Variants in ING3 observed in about 807,000 individuals in gnomAD.
The protein encoded by ING3 is inhibitor of growth protein 3.
A neutral mutation model predicts 64.8 loss-of-function variants in ING3; 6 were observed. The ratio of observed to expected loss-of-function variants is 0.09; its 90% CI spans 0.05 to 0.18. The LOEUF is 0.18. Ranked by LOEUF, ING3 falls within the 10% of genes least tolerant of loss-of-function variation. The pLI is 1.00. For missense variants in ING3, 310 were observed against 489.7 expected (o/e 0.63, Z 3.46); for synonymous variants, 170 against 173.7 (o/e 0.98, Z 0.17).
chr7:120,977,020 A>G lies in ING3; in HGVS notation c.*2176A>G, dbSNP rs949704112. 6.6e-6 allele frequency: 1 copy of G among 152,206 alleles called. No individual in the cohort carries two copies. The highest frequency in any genetic ancestry group is 1.5e-5 in the Non-Finnish European group (1 of 68,026). 9.4% of individuals were successfully genotyped at this position (152,206 alleles called of 1,614,324 possible). A position where few individuals can be genotyped will look rare whatever the true frequency, so the allele number is the denominator to read the frequency against. ...TGACATTTACACCAAGGGGCATAGT[A>G]AGTATTTTTGGTATTATAAAATACA... is the stretch of plus-strand genomic sequence containing the variant. On this transcript the variant is annotated 3_prime_UTR_variant, in exon 12 of 12. Transcript: ENST00000315870.
chr7:120,956,027 T>G (rs1795841349), intron 4 of ING3: 1 of 684,692 alleles, frequency 1.5e-6, no homozygotes, highest in South Asian at 1.8e-5. Context: ...TTCTTGGTAG[T>G]CTGATTAAAA....
intron 10 of ING3, among the ~76,000 whole-genome samples, chr7:120,971,880 A>C (rs149459993): frequency 2.0e-3 from 300 of 152,270 alleles, no homozygotes; most frequent in African/African-American, 6.9e-3. Context: ...ATTAATAAAC[A>C]TACCGGTTTA....
Position 120,950,854 on chromosome 7 carries a change from T to A in ING3, c.-43T>A. The A allele has an allele frequency of 6.7e-7, 1 of 1,498,368 alleles. No individual in the cohort carries two copies. Among genetic ancestry groups the A allele is most frequent in the Non-Finnish European group, 9.0e-7 (1 of 1,110,680 alleles). 92.8% of individuals were successfully genotyped at this position (1,498,368 alleles called of 1,614,324 possible). A position where few individuals can be genotyped will look rare whatever the true frequency, so the allele number is the denominator to read the frequency against. ...CTCCGGCGACAGCGAGTGACACAAA[T>A]AAACCCCTGGACCCCCTTGTTCCCT... is the stretch of plus-strand genomic sequence containing the variant. On this transcript the variant is annotated 5_prime_UTR_variant, in exon 1 of 12. Transcript: ENST00000315870.
chr7:120,951,122 C>G lies in ING3; in HGVS notation c.29-42C>G, dbSNP rs770097111. The G allele has an allele frequency of 1.2e-5, 19 of 1,603,944 alleles. No homozygotes were observed. In the Middle Eastern group the frequency reaches 5.0e-4, roughly 42 times the overall value. ...CGCGCAGTGACGTAAGCGCGTATTT[C>G]GCCGTTGGCCCCGCCCCTCTGACGG... On this transcript the variant is annotated intron_variant, in intron 1 of 11. Transcript: ENST00000315870.
intron 8 of ING3, among the ~76,000 whole-genome samples, chr7:120,968,657 C>CA (rs1796028194): frequency 6.6e-6 from 1 of 151,900 alleles, no homozygotes; most frequent in Non-Finnish European, 1.5e-5. Flanking sequence ...CCAGCCTGGT[C>CA]AACATGGTGA....
rs764656224 is a variant in ING3 at position 120,950,923 on chromosome 7, A to C, written c.27A>C (p.Glu9Asp). Residue 9 changes from glutamate (E) to aspartate (D), a missense_variant and splice_region_variant, in exon 1 of 12, where the codon GAA (glutamate) becomes GAC (aspartate). This residue lies in a region of ING3 where 53 missense variants were observed against 116.2 expected (regional missense o/e 0.46). Coordinates refer to ENST00000315870, the MANE Select transcript of ING3 (RefSeq NM_019071.3). MLYLEDYL[E>D]MIEQLPMDLR... ...TGTTGTACCTAGAAGACTATCTGGA[A>C]AGTGAGTGCGCGGCGCTGGCGGCGG... The C allele has an allele frequency of 6.2e-7, 1 of 1,613,362 alleles. No homozygotes were observed. The highest frequency in any genetic ancestry group is 1.3e-5 in the African/African-American group (1 of 74,896).
intron 4 of ING3, among the ~76,000 whole-genome samples, chr7:120,963,707 A>G (rs572359453): frequency 6.6e-6 from 1 of 152,278 alleles, no homozygotes; most frequent in Admixed American, 6.5e-5. Context: ...CCTCCTCTTC[A>G]TAGGCATCTA....
intron 4 of ING3, among the ~76,000 whole-genome samples, chr7:120,958,937 C>T (rs1451517034): frequency 6.6e-6 from 1 of 152,202 alleles, no homozygotes; most frequent in Non-Finnish European, 1.5e-5. Flanking sequence ...TACTAATCCT[C>T]TATAACTTCA....
chr7:120,960,708 T>G (rs939621207), intron 4 of ING3, among the ~76,000 whole-genome samples: 13 of 152,198 alleles, frequency 8.5e-5, no homozygotes, highest in African/African-American at 2.9e-4. Flanking sequence ...GTTTTAGGGT[T>G]CCGGTAGAAG....
At chr7:120,955,985 A>G (rs1201557463) in intron 4 of ING3, 2 of 595,604 alleles carry the variant, frequency 3.4e-6, no homozygotes, top group Admixed American at 3.2e-5. Context: ...TTCTGTGGTA[A>G]AATACACCTA....
intron 10 of ING3, among the ~76,000 whole-genome samples, chr7:120,972,072 T>A (rs559678254): frequency 3.3e-5 from 5 of 152,174 alleles, no homozygotes; most frequent in Admixed American, 1.3e-4. Flanking sequence ...CTATTGTTTT[T>A]GTTATGTACT....
At chr7:120,962,218 A>G (rs1215550282) in intron 4 of ING3, among the ~76,000 whole-genome samples, 7 of 152,196 alleles carry the variant, frequency 4.6e-5, no homozygotes, top group African/African-American at 1.7e-4. Flanking sequence ...GATTTAGTAC[A>G]GCAGTAGTAA....
At chr7:120,965,475 A>C (rs1399764248) in intron 5 of ING3, among the ~76,000 whole-genome samples, 1 of 152,192 alleles carries the variant, frequency 6.6e-6, no homozygotes, top group Non-Finnish European at 1.5e-5. Flanking sequence ...CTTCAACCTA[A>C]ATAGGTAATG....
chr7:120,952,389 A>T (rs1795780468), intron 2 of ING3, among the ~76,000 whole-genome samples: 1 of 152,354 alleles, frequency 6.6e-6, no homozygotes, highest in Admixed American at 6.5e-5. Flanking sequence ...AATTTCTAGT[A>T]TCTGATACAA....
chr7:120,970,372 G>A (rs1796052473), intron 9 of ING3, among the ~76,000 whole-genome samples: 2 of 151,884 alleles, frequency 1.3e-5, no homozygotes, highest in African/African-American at 4.8e-5. Context: ...GGCTGAGGCA[G>A]GAGAATGGCG....
intron 4 of ING3, among the ~76,000 whole-genome samples, chr7:120,961,716 G>A (rs147343027): frequency 3.1e-4 from 47 of 152,294 alleles, no homozygotes; most frequent in African/African-American, 1.1e-3. Context: ...AATATCCTTT[G>A]TCTTTAAAGA....
intron 1 of ING3, 50 bp downstream of exon 1, chr7:120,950,974 A>C: frequency 6.2e-7 from 1 of 1,608,576 alleles, no homozygotes; most frequent in East Asian, 2.2e-5. Flanking sequence ...GCGGGCGGGC[A>C]AGAGCGCGAG....
intron 10 of ING3, among the ~76,000 whole-genome samples, chr7:120,971,976 C>T (rs1288416640): frequency 2.0e-5 from 3 of 152,062 alleles, no homozygotes; most frequent in South Asian, 2.1e-4. Flanking sequence ...GTTTTAAATA[C>T]ACTAGTATTA....
Position 120,969,124 on chromosome 7 carries a change from A to G in ING3, c.828A>G (p.Ser276=). ...TGGCCAGGGAAACAGTTGGCTATTCATCATCTTCGGCACTTATGACAACAT... is the reference window on the plus strand; with the variant it reads ...TGGCCAGGGAAACAGTTGGCTATTCGTCATCTTCGGCACTTATGACAACAT... ...FSMARETVGY[S]SSSALMTTLT... is the part of the protein sequence containing the mutation. Residue 276 remains serine (S), a synonymous_variant, in exon 9 of 12, where the codon TCA becomes TCG. Transcript: ENST00000315870. 6.2e-7 allele frequency: 1 copy of G among 1,614,174 alleles called. No individual in the cohort carries two copies. Among genetic ancestry groups the G allele is most frequent in the Non-Finnish European group, 8.5e-7 (1 of 1,180,014 alleles).
Sources: allele counts gnomAD v4.1 joint callset (sites outside exome capture counted in the v4.1 genomes callset), GRCh38; gene constraint gnomAD v4.1.1; regional missense constraint gnomAD v4.1.1; transcripts MANE v1.5; gene names NCBI Gene and HGNC (gene_info 2026-07-23, HGNC 2026-07-21).